The following TACC2 variants were observed in gnomAD, a reference collection of about 807,000 sequenced individuals.
TACC2 encodes the protein transforming acidic coiled-coil containing protein 2.
In TACC2, 137 loss-of-function variants were observed where a neutral mutation model predicts 227.3. The ratio of observed to expected loss-of-function variants is 0.60; its 90% CI spans 0.52 to 0.69. The LOEUF is 0.69. Ranked by LOEUF, TACC2 falls within the 30% of genes least tolerant of loss-of-function variation. The pLI is 0.00. For synonymous variants in TACC2, 1,523 were observed against 1,487.5 expected (o/e 1.02, Z -0.55); for missense variants, 3,470 against 3,694.4 (o/e 0.94, Z 1.57).
rs747741502 is a variant in TACC2 at position 122,237,468 on chromosome 10, TG to T, written c.8203del (p.Glu2735ArgfsTer25). On this transcript the variant is annotated frameshift_variant, in exon 17 of 23. Coordinates refer to ENST00000369005, the MANE Select transcript of TACC2 (RefSeq NM_206862.4). LOFTEE classifies it high-confidence loss of function. ...ALYSRIGTAEVEKPAGLLFQQ... is the reference protein window; with the variant it reads ...ALYSRIGTAEXEKPAGLLFQQ... ...TACTCCCGCATCGGGACCGCTGAGG[TG>T]GAGAAACCTGCAGGCCTTCTGTTCC... is the stretch of plus-strand genomic sequence containing the variant. 6.2e-7 allele frequency: 1 copy of T among 1,613,936 alleles called. No homozygotes were observed. The highest frequency in any genetic ancestry group is 1.7e-5 in the Admixed American group (1 of 59,994).
At chr10:121,995,109 T>C (rs1478251974) in intron 1 of TACC2, among the ~76,000 whole-genome samples, 1 of 152,200 alleles carries the variant, frequency 6.6e-6, no homozygotes, top group Non-Finnish European at 1.5e-5. Flanking sequence ...TTTGTAGGAC[T>C]TTGTGGGAGA....
chr10:122,116,119 A>G (rs1385053746), intron 5 of TACC2, among the ~76,000 whole-genome samples: 2 of 152,196 alleles, frequency 1.3e-5, no homozygotes, highest in Non-Finnish European at 2.9e-5. Context: ...TTATGAAATC[A>G]TTCAGGAGAA....
intron 11 of TACC2, 178 bp downstream of exon 11, chr10:122,217,006 A>T: frequency 7.6e-7 from 1 of 1,310,986 alleles, no homozygotes; most frequent in East Asian, 2.5e-5. Context: ...ACAGCCTGAG[A>T]CTTGAAAGCA....
intron 7 of TACC2, among the ~76,000 whole-genome samples, chr10:122,172,559 T>C (rs570377628): frequency 6.6e-6 from 1 of 152,354 alleles, no homozygotes; most frequent in Non-Finnish European, 1.5e-5. Context: ...CTGGAAGTAT[T>C]TTCCCTCCAG....
rs1986851 is a variant in TACC2 at position 122,138,400 on chromosome 10, C to T, written c.5700-5172C>T. Reference sequence around the variant, plus strand: ...TGGCAGGCATCTGTAATCCCAGCTACTTGGGAGGCTGAGGCAGGAGAATTG... The same window carrying T: ...TGGCAGGCATCTGTAATCCCAGCTATTTGGGAGGCTGAGGCAGGAGAATTG... On this transcript the variant is annotated intron_variant, in intron 6 of 22. Coordinates refer to ENST00000369005, the MANE Select transcript of TACC2 (RefSeq NM_206862.4). Among the ~76,000 whole-genome samples the T allele has an allele frequency of 0.012, 1,783 of 152,266 alleles. 69 individuals are homozygous for T. The East Asian group carries it at 0.14, about 12-fold the overall frequency.
At position 122,041,072 on chromosome 10, in the gene TACC2, G is replaced by A. The variant is rs558474609; in HGVS notation, c.34-9366G>A. ...GAGGAACAGAGGACCAGGAGGACAG[G>A]AGAATCTGTGTATGCGAGCCGTCCC... On this transcript the variant is annotated intron_variant, in intron 2 of 22. Transcript: ENST00000369005. 2.2e-4 allele frequency among the ~76,000 whole-genome samples: 33 copies of A among 152,360 alleles called. No homozygotes were observed. The South Asian group carries it at 4.6e-3, about 21-fold the overall frequency.
intron 5 of TACC2, among the ~76,000 whole-genome samples, chr10:122,112,264 C>T (rs7084343): frequency 0.83 from 126,711 of 152,178 alleles, 53,823 homozygotes; most frequent in East Asian, 0.98. Flanking sequence ...ATGGTGTTGG[C>T]AGGTAAGCAC....
At chr10:122,080,720 A>T (rs2079375320) in intron 3 of TACC2, among the ~76,000 whole-genome samples, 1 of 152,184 alleles carries the variant, frequency 6.6e-6, no homozygotes, top group Non-Finnish European at 1.5e-5. Flanking sequence ...AAAATTTAAC[A>T]ATAATGCACT....
Position 122,084,896 on chromosome 10 carries a change from A to G in TACC2, c.2396A>G (p.Asp799Gly), listed in dbSNP as rs145909090. The G allele has an allele frequency of 1.9e-6, 3 of 1,613,902 alleles. No individual in the cohort carries two copies. The highest frequency in any genetic ancestry group is 1.3e-5 in the African/African-American group (1 of 74,894). ...CTGGGGCTCACGGCACTCATCCTGG[A>G]CCAAGATCAGCAGGGAATCCCATCC... ...ADLGLTALIL[D>G]QDQQGIPSCP... is the part of the protein sequence containing the mutation. Residue 799 changes from aspartate to glycine, a missense_variant, in exon 4 of 23, where the codon GAC becomes GGC. Transcript: ENST00000369005.
In TACC2 at chr10:122,172,717, C is replaced by T. The variant is rs141321688; in HGVS notation, c.5835-22323C>T. 4.6e-3 allele frequency among the ~76,000 whole-genome samples: 695 copies of T among 152,244 alleles called. 9 individuals are homozygous for T. The East Asian group carries it at 0.053, about 12-fold the overall frequency. On this transcript the variant is annotated intron_variant, in intron 7 of 22. Transcript: ENST00000369005. ...TTGCCTTTCATGAATGGCCCTAAGA[C>T]GCCGTCCTGGGGCGCAGGGCTGCTG...
intron 3 of TACC2, among the ~76,000 whole-genome samples, chr10:122,077,686 G>C (rs1242725422): frequency 6.6e-6 from 1 of 152,240 alleles, no homozygotes; most frequent in Non-Finnish European, 1.5e-5. Context: ...CAGAGAGGAT[G>C]GGAGAAGGGA....
At position 122,084,307 on chromosome 10, in the gene TACC2, A is replaced by G; in HGVS notation, c.1807A>G (p.Ser603Gly). ...NLQGEDSQAF[S>G]SKRDPEVGKD... is the part of the protein sequence containing the mutation. ...GCAAGGAGAGGACTCTCAGGCTTTC[A>G]GCAGCAAGCGTGATCCAGAAGTAGG... The change falls in exon 4 of 23, where the codon AGC becomes GGC. Residue 603 changes from serine to glycine, a missense_variant. Transcript: ENST00000369005. 6.2e-7 allele frequency: 1 copy of G among 1,613,984 alleles called. No individual in the cohort carries two copies. Among genetic ancestry groups the G allele is most frequent in the Non-Finnish European group, 8.5e-7 (1 of 1,180,044 alleles).
At chr10:122,190,348 AG>A (rs1252071286) in intron 7 of TACC2, among the ~76,000 whole-genome samples, 11 of 152,186 alleles carry the variant, frequency 7.2e-5, no homozygotes, top group Non-Finnish European at 1.6e-4. Context: ...TCAGCTGTGG[AG>A]GTGTTTAATT....
chr10:122,183,232 A>T (rs2094038695), intron 7 of TACC2, among the ~76,000 whole-genome samples: 2 of 150,806 alleles, frequency 1.3e-5, no homozygotes, highest in African/African-American at 4.9e-5. Context: ...AAACAAAAAA[A>T]ACAACAGGGG....
At chr10:122,137,939 A>G (rs2089970414) in intron 6 of TACC2, among the ~76,000 whole-genome samples, 1 of 152,218 alleles carries the variant, frequency 6.6e-6, no homozygotes, top group Non-Finnish European at 1.5e-5. Context: ...CTTTGGACAG[A>G]AGGAGGTGGG....
intron 5 of TACC2, among the ~76,000 whole-genome samples, chr10:122,104,666 C>T (rs914001687): frequency 1.3e-5 from 2 of 152,036 alleles, no homozygotes; most frequent in African/African-American, 2.4e-5. Flanking sequence ...CCACCAGGCT[C>T]AGCTTTCATT....
At chr10:122,152,496 C>T (rs947388854) in intron 7 of TACC2, among the ~76,000 whole-genome samples, 5 of 152,230 alleles carry the variant, frequency 3.3e-5, no homozygotes, top group African/African-American at 4.8e-5. Flanking sequence ...TATGTGTCCA[C>T]GATTGGCACG....
chr10:122,081,912 C>G (rs1030506737), intron 3 of TACC2, among the ~76,000 whole-genome samples: 1 of 152,184 alleles, frequency 6.6e-6, no homozygotes, highest in South Asian at 2.1e-4. Flanking sequence ...CCTGGCTTTG[C>G]CAACTTGTGC....
chr10:122,252,100 A>G (rs933898743), intron 22 of TACC2, among the ~76,000 whole-genome samples: 1 of 152,240 alleles, frequency 6.6e-6, no homozygotes, highest in Non-Finnish European at 1.5e-5. Context: ...TGACGCCAAG[A>G]GAGAGCTTGG....
Sources: allele counts gnomAD v4.1 joint callset (sites outside exome capture counted in the v4.1 genomes callset), GRCh38; gene constraint gnomAD v4.1.1; transcripts MANE v1.5; gene names NCBI Gene and HGNC (gene_info 2026-07-23, HGNC 2026-07-21).